EFCAB13: variants seen among roughly 807,000 people sequenced by gnomAD.
The protein encoded by EFCAB13 is EF-hand calcium-binding domain-containing protein 13.
In EFCAB13, 91 loss-of-function variants were observed where a neutral mutation model predicts 110.2. The ratio of observed to expected loss-of-function variants is 0.83; its 90% CI spans 0.70 to 0.98. EFCAB13 has a LOEUF of 0.98. Among genes scored for constraint, EFCAB13 ranks in the 50% least tolerant of loss-of-function variants. EFCAB13 has a pLI of 0.00. For synonymous variants in EFCAB13, 323 were observed against 369.9 expected, an observed-to-expected ratio of 0.87 and a Z score of 1.45; for missense variants, 968 against 1,119.4, an observed-to-expected ratio of 0.86 and a Z score of 1.93.
chr17:47,426,461 C>G (rs1445995032), intron 23 of EFCAB13, among the ~76,000 whole-genome samples: 2 of 152,096 alleles, frequency 1.3e-5, no homozygotes, highest in African/African-American at 4.8e-5. Context: ...TGGCAGCCAT[C>G]CTTTTTAAGA....
intron 14 of EFCAB13, among the ~76,000 whole-genome samples, chr17:47,384,365 G>A (rs914949816): frequency 5.3e-5 from 8 of 150,024 alleles, no homozygotes; most frequent in African/African-American, 2.0e-4. Flanking sequence ...ATGCTAGCTG[G>A]TTATTTTGAA....
chr17:47,420,866 G>T (rs1309728301), intron 23 of EFCAB13, among the ~76,000 whole-genome samples: 2 of 146,620 alleles, frequency 1.4e-5, no homozygotes, highest in African/African-American at 5.0e-5. Flanking sequence ...GGAGGTGGGG[G>T]GGTCAGCCCC....
intron 10 of EFCAB13, among the ~76,000 whole-genome samples, chr17:47,362,057 T>A (rs2046445851): frequency 6.6e-6 from 1 of 152,160 alleles, no homozygotes; most frequent in African/African-American, 2.4e-5. Flanking sequence ...GATTCATTTG[T>A]TTTATTATTG....
chr17:47,406,498 TAG>T (rs1273518967), intron 20 of EFCAB13, among the ~76,000 whole-genome samples: 2 of 152,218 alleles, frequency 1.3e-5, no homozygotes, highest in African/African-American at 4.8e-5. Context: ...AGGTCTGTAA[TAG>T]ACGGTTTGAT....
intron 23 of EFCAB13, among the ~76,000 whole-genome samples, chr17:47,426,445 C>T (rs1325344111): frequency 6.6e-6 from 1 of 152,162 alleles, no homozygotes; most frequent in African/African-American, 2.4e-5. Flanking sequence ...ATAAGACTTT[C>T]CATCTTGGCA....
At chr17:47,377,381 CAA>C (rs2065621971) in intron 12 of EFCAB13, among the ~76,000 whole-genome samples, 1 of 152,106 alleles carries the variant, frequency 6.6e-6, no homozygotes, top group Admixed American at 6.6e-5. Context: ...AGGCCGGTCT[CAA>C]ACTCTTGACC....
chr17:47,325,945 TATATATATATATATATAG>T (rs1172659598), intron 2 of EFCAB13, among the ~76,000 whole-genome samples: 10 of 85,902 alleles, frequency 1.2e-4, no homozygotes, highest in South Asian at 1.0e-3. Flanking sequence ...TATATATATA[TATATATATATATATATAG>T]CATATATATA....
intron 2 of EFCAB13, among the ~76,000 whole-genome samples, chr17:47,325,388 C>G (rs968459093): frequency 2.6e-5 from 4 of 152,108 alleles, no homozygotes; most frequent in Admixed American, 2.6e-4. Context: ...TACCTGATTT[C>G]CCTCCTCACA....
chr17:47,328,563 A>G (rs1179910550), intron 4 of EFCAB13, among the ~76,000 whole-genome samples, 180 bp downstream of exon 4: 1 of 152,216 alleles, frequency 6.6e-6, no homozygotes, highest in Non-Finnish European at 1.5e-5. Context: ...TCCCATCCCT[A>G]CAACCCATAT....
At position 47,374,740 on chromosome 17, in the gene EFCAB13, A is replaced by G; in HGVS notation, c.1146A>G (p.Glu382=). The G allele has an allele frequency of 6.2e-7, 1 of 1,614,140 alleles. No homozygotes were observed. Among genetic ancestry groups the G allele is most frequent in the Non-Finnish European group, 8.5e-7 (1 of 1,180,010 alleles). The part of the protein sequence containing the change: ...GVGSSNVGVQ[E]PYSKNGINFK... ...GCAGCAGTAATGTAGGAGTCCAAGAACCATATTCAAAGAATGGCATAAACT... is the reference window on the plus strand; with the variant it reads ...GCAGCAGTAATGTAGGAGTCCAAGAGCCATATTCAAAGAATGGCATAAACT... Residue 382 remains glutamate, a synonymous_variant, in exon 12 of 25, where the codon GAA becomes GAG. Transcript: ENST00000331493.
chr17:47,362,766 G>C (rs547854571), intron 10 of EFCAB13, among the ~76,000 whole-genome samples: 72 of 152,330 alleles, frequency 4.7e-4, no homozygotes, highest in Non-Finnish European at 9.6e-4. Flanking sequence ...CTGTCTGTCT[G>C]TCTCTCTCTG....
intron 17 of EFCAB13, among the ~76,000 whole-genome samples, chr17:47,396,957 T>C (rs2065741619): frequency 6.6e-6 from 1 of 152,186 alleles, no homozygotes; most frequent in Non-Finnish European, 1.5e-5. Flanking sequence ...ATAGATAGCA[T>C]TTATTTGAAC....
intron 23 of EFCAB13, among the ~76,000 whole-genome samples, chr17:47,422,868 C>T (rs1904770205): frequency 1.3e-5 from 2 of 152,096 alleles, no homozygotes; most frequent in South Asian, 4.1e-4. Context: ...TTTATAGAAA[C>T]TGACAATCTG....
intron 24 of EFCAB13, among the ~76,000 whole-genome samples, chr17:47,438,045 A>G (rs944920601): frequency 6.6e-6 from 1 of 152,128 alleles, no homozygotes; most frequent in Admixed American, 6.5e-5. Flanking sequence ...TATGATGCTT[A>G]GTTTCACTGG....
At chr17:47,341,158 T>A (rs1394562182) in intron 5 of EFCAB13, among the ~76,000 whole-genome samples, 3 of 152,058 alleles carry the variant, frequency 2.0e-5, no homozygotes, top group Admixed American at 6.5e-5. Context: ...ATAATAATTA[T>A]AATGATAATA....
At chr17:47,392,456 TG>T (rs1239183299) in intron 15 of EFCAB13, among the ~76,000 whole-genome samples, 7 of 150,818 alleles carry the variant, frequency 4.6e-5, no homozygotes, top group Admixed American at 2.0e-4. Flanking sequence ...ATGTGTGTGT[TG>T]GGGGGTGGGG....
In EFCAB13 at chr17:47,345,900, C is replaced by G. The variant is rs542339783; in HGVS notation, c.517+802C>G. Among the ~76,000 whole-genome samples, 146 of 152,132 alleles carry G rather than the reference C, an allele frequency of 9.6e-4. 4 individuals are homozygous for G. The South Asian group carries it at 0.029, about 30-fold the overall frequency. The stretch of plus-strand genomic sequence containing the variant: ...CTTTGGTATCTATTCCAAACCTTCA[C>G]TACTCTCCTCAAATACTCAATTATG... On this transcript the variant is annotated intron_variant, in intron 8 of 24. Transcript: ENST00000331493.
intron 17 of EFCAB13, among the ~76,000 whole-genome samples, chr17:47,401,215 A>G (rs1334391452): frequency 6.6e-6 from 1 of 152,238 alleles, no homozygotes; most frequent in Admixed American, 6.5e-5. Context: ...AATTGTAGCT[A>G]TATACTTAAG....
At chr17:47,434,518 A>T (rs899220947) in intron 24 of EFCAB13, among the ~76,000 whole-genome samples, 1 of 152,180 alleles carries the variant, frequency 6.6e-6, no homozygotes, top group African/African-American at 2.4e-5. Flanking sequence ...AAGTACCATG[A>T]TCATTCTTCA....
Sources: allele counts gnomAD v4.1 joint callset (sites outside exome capture counted in the v4.1 genomes callset), GRCh38; gene constraint gnomAD v4.1.1; transcripts MANE v1.5; gene names NCBI Gene and HGNC (gene_info 2026-07-23, HGNC 2026-07-21).